Variants in SLC8A1 observed in about 807,000 individuals in gnomAD.
The protein encoded by SLC8A1 is sodium/calcium exchanger 1.
In SLC8A1, 18 loss-of-function variants were observed where a neutral mutation model predicts 68.3. The ratio of observed to expected loss-of-function variants is 0.26; its 90% CI spans 0.18 to 0.39. The LOEUF (loss-of-function observed/expected upper bound fraction) is 0.39, where lower values mean the gene tolerates loss of function less well. Ranked by LOEUF, SLC8A1 falls within the 10% of genes least tolerant of loss-of-function variation. SLC8A1 has a pLI of 1.00. For missense variants in SLC8A1, 985 were observed against 1,156.7 expected (o/e 0.85, Z 2.15); for synonymous variants, 475 against 415.5 (o/e 1.14, Z -1.74).
intron 1 of SLC8A1, among the ~76,000 whole-genome samples, chr2:40,463,648 G>C (rs1056563867): frequency 6.6e-5 from 10 of 151,826 alleles, no homozygotes; most frequent in African/African-American, 2.4e-4. Flanking sequence ...CCCTTGTCTG[G>C]GGTCTCCTGT....
At chr2:40,119,323 CA>C in intron 7 of SLC8A1, among the ~76,000 whole-genome samples, 1 of 95,980 alleles carries the variant, frequency 1.0e-5, no homozygotes, top group South Asian at 5.1e-4. Context: ...ATTTTCAATT[CA>C]AAAGCAATGT....
exon 8 of SLC8A1, chr2:40,104,744 G>C (rs1049507032): frequency 6.6e-6 from 1 of 152,056 alleles, no homozygotes; most frequent in Admixed American, 6.6e-5. Context: ...TTATGAAATT[G>C]TACATCTGAA....
intron 2 of SLC8A1, among the ~76,000 whole-genome samples, chr2:40,421,246 C>G (rs568336131): frequency 2.6e-5 from 4 of 152,144 alleles, no homozygotes; most frequent in Non-Finnish European, 5.9e-5. Flanking sequence ...ATCACCATCA[C>G]CAACAGCACC....
intron 2 of SLC8A1, among the ~76,000 whole-genome samples, chr2:40,379,009 C>CA (rs1362106363): frequency 6.6e-6 from 1 of 152,124 alleles, no homozygotes; most frequent in Non-Finnish European, 1.5e-5. Context: ...CTGGAATGTT[C>CA]ACCCCATGAG....
chr2:40,195,507 T>C (rs529874907), intron 2 of SLC8A1, among the ~76,000 whole-genome samples: 2 of 152,082 alleles, frequency 1.3e-5, no homozygotes, highest in East Asian at 1.9e-4. Context: ...TGGAGAAAAA[T>C]TGAAACTTTC....
chr2:40,358,508 G>C (rs1673473372), intron 2 of SLC8A1, among the ~76,000 whole-genome samples: 1 of 152,148 alleles, frequency 6.6e-6, no homozygotes, highest in South Asian at 2.1e-4. Flanking sequence ...AAGGGATTTG[G>C]AGTAAGAACA....
intron 6 of SLC8A1, among the ~76,000 whole-genome samples, chr2:40,146,940 C>T (rs986175009): frequency 6.6e-6 from 1 of 152,126 alleles, no homozygotes; most frequent in Non-Finnish European, 1.5e-5. Context: ...GTCAAGAAGG[C>T]AACTCACTCT....
intron 1 of SLC8A1, among the ~76,000 whole-genome samples, chr2:40,490,313 A>C (rs945316834): frequency 3.3e-5 from 5 of 152,128 alleles, no homozygotes; most frequent in African/African-American, 7.2e-5. Context: ...GATTTTAAAC[A>C]GACACTTTAG....
intron 2 of SLC8A1, among the ~76,000 whole-genome samples, chr2:40,246,413 T>C (rs2061872133): frequency 1.3e-5 from 2 of 152,246 alleles, no homozygotes; most frequent in Admixed American, 6.5e-5. Context: ...TGAGTTTTAC[T>C]TGGTATGGTT....
intron 7 of SLC8A1, among the ~76,000 whole-genome samples, chr2:40,118,717 G>C (rs931798877): frequency 6.9e-6 from 1 of 144,840 alleles, no homozygotes; most frequent in African/African-American, 2.6e-5. Flanking sequence ...AGGTACAGCT[G>C]AGAAACACCT....
chr2:40,273,873 T>C (rs1208237089), intron 2 of SLC8A1, among the ~76,000 whole-genome samples: 2 of 150,176 alleles, frequency 1.3e-5, no homozygotes, highest in African/African-American at 2.5e-5. Context: ...CCTTTTTTTT[T>C]TTTTTTTTCC....
At chr2:40,200,034 A>C (rs2053829519) in intron 2 of SLC8A1, among the ~76,000 whole-genome samples, 1 of 147,248 alleles carries the variant, frequency 6.8e-6, no homozygotes, top group African/African-American at 2.5e-5. Context: ...TGTTATGAGG[A>C]GGGTGAGTTA....
intron 4 of SLC8A1, among the ~76,000 whole-genome samples, chr2:40,168,690 T>C (rs527321914): frequency 1.3e-5 from 2 of 152,334 alleles, no homozygotes; most frequent in African/African-American, 4.8e-5. Context: ...TCTTGGAGCA[T>C]TGGATCAAAA....
At chr2:40,187,674 C>CA (rs1279463016) in intron 2 of SLC8A1, among the ~76,000 whole-genome samples, 3 of 152,090 alleles carry the variant, frequency 2.0e-5, no homozygotes, top group East Asian at 3.9e-4. Context: ...TGTCAGTGTC[C>CA]AAAAAACAAA....
At chr2:40,389,828 T>C (rs1229709919) in intron 2 of SLC8A1, among the ~76,000 whole-genome samples, 1 of 148,962 alleles carries the variant, frequency 6.7e-6, no homozygotes, top group Non-Finnish European at 1.5e-5. Context: ...ATATATGATA[T>C]ATATGATATA....
chr2:40,415,213 G>A (rs2149715799), intron 2 of SLC8A1, among the ~76,000 whole-genome samples: 1 of 152,282 alleles, frequency 6.6e-6, no homozygotes, highest in South Asian at 2.1e-4. Context: ...CTCAGGGCTG[G>A]AGAGGTGGTG....
intron 2 of SLC8A1, among the ~76,000 whole-genome samples, chr2:40,388,824 C>G (rs1684407039): frequency 6.6e-6 from 1 of 152,046 alleles, no homozygotes; most frequent in Admixed American, 6.6e-5. Flanking sequence ...CAAGTAGAAT[C>G]CAAATACCCA....
chr2:40,279,239 G>C (rs1023935169), intron 2 of SLC8A1, among the ~76,000 whole-genome samples: 1 of 152,108 alleles, frequency 6.6e-6, no homozygotes, highest in African/African-American at 2.4e-5. Flanking sequence ...AGACAGCTTT[G>C]CCTTCAACTA....
rs1054775426 is a variant in SLC8A1, at chr2:40,152,966, C to A, written c.2161+7799G>T. Among the ~76,000 whole-genome samples the A allele has an allele frequency of 2.6e-5, 4 of 151,812 alleles. No individual in the cohort carries two copies. In the East Asian group the frequency reaches 7.7e-4, roughly 29 times the overall value. ...TCCAGCCTGGGCAATGGAGGAGACC[C>A]CATCTTTTTTAAAAAAATAGAAGAG... On this transcript the variant is annotated intron_variant, in intron 6 of 7. Coordinates refer to ENST00000406785, the Ensembl canonical transcript of SLC8A1.
Sources: gnomAD v4.1 joint callset for allele counts (sites outside exome capture counted in the v4.1 genomes callset) on GRCh38, gnomAD v4.1.1 for gene constraint, MANE v1.5 for transcripts, NCBI Gene and HGNC (gene_info 2026-07-23, HGNC 2026-07-21) for gene names.